Variants in TIAM2 observed in about 807,000 individuals in gnomAD.
The protein encoded by TIAM2 is TIAM Rac1 associated GEF 2.
Under a neutral mutation model 152.9 loss-of-function variants are expected in TIAM2, and 80 were observed. The observed-to-expected ratio is 0.52, with a 90% CI of 0.44 to 0.63. The LOEUF is 0.63. TIAM2 is among the 30% of genes least tolerant of loss of function. The pLI, the probability that TIAM2 is intolerant of heterozygous loss-of-function variation, is 0.00. For missense variants in TIAM2, 1,965 were observed against 2,120.1 expected (o/e 0.93, Z 1.44); for synonymous variants, 804 against 838.0 (o/e 0.96, Z 0.70).
chr6:155,158,671 CT>C (rs1312866611), intron 7 of TIAM2, among the ~76,000 whole-genome samples: 1 of 152,014 alleles, frequency 6.6e-6, no homozygotes, highest in Non-Finnish European at 1.5e-5. Flanking sequence ...CCTCCCACCT[CT>C]GCCTCCCACA....
chr6:155,060,190 G>A (rs564536405), intron 1 of TIAM2, among the ~76,000 whole-genome samples: 2 of 152,234 alleles, frequency 1.3e-5, no homozygotes, highest in East Asian at 1.9e-4. Flanking sequence ...AATCACCTGA[G>A]GTTGGGAGTT....
intron 1 of TIAM2, among the ~76,000 whole-genome samples, chr6:155,063,449 A>G (rs1435159185): frequency 1.3e-5 from 2 of 151,660 alleles, no homozygotes; most frequent in Non-Finnish European, 2.9e-5. Flanking sequence ...TTCCTGCAGT[A>G]TAGCTTTATC....
chr6:155,165,949 T>C (rs2115102793), intron 9 of TIAM2, among the ~76,000 whole-genome samples: 1 of 152,200 alleles, frequency 6.6e-6, no homozygotes, highest in Non-Finnish European at 1.5e-5. Flanking sequence ...AAAATAAGAA[T>C]AATCAGAAAA....
intron 12 of TIAM2, among the ~76,000 whole-genome samples, chr6:155,181,151 C>G (rs1187086952): frequency 6.6e-6 from 1 of 152,152 alleles, no homozygotes; most frequent in African/African-American, 2.4e-5. Flanking sequence ...ACAGGACATT[C>G]TTGCTGTCCT....
intron 15 of TIAM2, among the ~76,000 whole-genome samples, chr6:155,221,147 A>G (rs1194460202): frequency 1.3e-5 from 2 of 151,270 alleles, no homozygotes; most frequent in South Asian, 4.2e-4. Context: ...AAACAAAAAA[A>G]AACACAAGTT....
intron 1 of TIAM2, among the ~76,000 whole-genome samples, chr6:155,036,643 GT>G (rs1776929070): frequency 6.7e-6 from 1 of 148,508 alleles, no homozygotes; most frequent in African/African-American, 2.5e-5. Context: ...TTGAGATGGA[GT>G]TTTACTCTTG....
At chr6:155,224,577 AAGG>A (rs772719015) in intron 15 of TIAM2, among the ~76,000 whole-genome samples, 10 of 152,178 alleles carry the variant, frequency 6.6e-5, no homozygotes, top group Non-Finnish European at 1.3e-4. Context: ...GTATGGAAGG[AAGG>A]AGGAGAATGG....
intron 1 of TIAM2, among the ~76,000 whole-genome samples, chr6:155,032,697 C>G (rs904925550): frequency 1.3e-5 from 2 of 152,110 alleles, no homozygotes; most frequent in African/African-American, 4.8e-5. Flanking sequence ...CCTGCCACCA[C>G]GCCCAGCTAA....
intron 12 of TIAM2, 88 bp downstream of exon 12, chr6:155,179,544 C>A: frequency 8.4e-7 from 1 of 1,189,792 alleles, no homozygotes; most frequent in Non-Finnish European, 1.2e-6. Flanking sequence ...ATTTTTTCCC[C>A]TTACATTCAC....
At chr6:155,180,768 C>T (rs921139027) in intron 12 of TIAM2, among the ~76,000 whole-genome samples, 1 of 151,982 alleles carries the variant, frequency 6.6e-6, no homozygotes, top group African/African-American at 2.4e-5. Context: ...GCCACCACAC[C>T]TGGCTAATTT....
chr6:155,192,796 T>G (rs1388338705), intron 14 of TIAM2, among the ~76,000 whole-genome samples: 1 of 152,220 alleles, frequency 6.6e-6, no homozygotes, highest in Non-Finnish European at 1.5e-5. Context: ...AGAAAATTCA[T>G]TCTTATACAG....
At chr6:155,116,447 A>C (rs1169756840) in intron 2 of TIAM2, among the ~76,000 whole-genome samples, 1 of 152,226 alleles carries the variant, frequency 6.6e-6, no homozygotes, top group Non-Finnish European at 1.5e-5. Flanking sequence ...ACATTTTATG[A>C]AGGTGGGGAA....
intron 2 of TIAM2, among the ~76,000 whole-genome samples, chr6:155,103,349 G>A (rs1778589701): frequency 2.0e-5 from 3 of 152,188 alleles, no homozygotes; most frequent in Admixed American, 2.0e-4. Flanking sequence ...GATAATTCAT[G>A]TGTACAGGAG....
At chr6:155,248,202 G>T (rs576073973) in intron 20 of TIAM2, 23 bp downstream of exon 20, 4 of 1,607,692 alleles carry the variant, frequency 2.5e-6, no homozygotes, top group Non-Finnish European at 3.4e-6. Context: ...CGGCACCTCC[G>T]GGCGAGGGCC....
chr6:155,179,521 A>G (rs974779147), intron 12 of TIAM2, 65 bp downstream of exon 12: 10 of 1,453,488 alleles, frequency 6.9e-6, no homozygotes, highest in Non-Finnish European at 9.3e-6. Flanking sequence ...TTGCCCCAGC[A>G]TCTTTGGACT....
intron 1 of TIAM2, among the ~76,000 whole-genome samples, chr6:155,016,523 CATTTAAATGGTAAATTTAA>C (rs1198494248): frequency 1.3e-5 from 1 of 78,688 alleles, no homozygotes; most frequent in Admixed American, 1.4e-4. Context: ...ATGGTATTTA[CATTTAAATGGTAAATTTAA>C]ATTTAAATGG....
rs917602458 is a variant in TIAM2 at position 155,210,463 on chromosome 6, C to T, written c.3065-741C>T. Among the ~76,000 whole-genome samples, 7 of 151,706 alleles carry T rather than the reference C, an allele frequency of 4.6e-5. No individual in the cohort carries two copies. The South Asian group carries it at 1.3e-3, about 27-fold the overall frequency. ...CCGTCCAAGTAGCTGGGATTATAGC[C>T]GCATACCACCATGCCTGATTGTGTG... On this transcript the variant is annotated intron_variant, in intron 14 of 26. Transcript: ENST00000682666.
rs971038492 is a variant in TIAM2 at position 155,096,659 on chromosome 6, C to T, written c.-118+6280C>T. Among the ~76,000 whole-genome samples the T allele has an allele frequency of 5.3e-5, 8 of 152,228 alleles. No individual in the cohort carries two copies. In the South Asian group the frequency reaches 1.0e-3, roughly 20 times the overall value. On this transcript the variant is annotated intron_variant, in intron 2 of 26. Transcript: ENST00000682666. The stretch of plus-strand genomic sequence containing the variant: ...TTTCACTTGATGACCTCCAGTTTCA[C>T]CCACATTGCTGCAAATGACAGGATT...
Position 155,046,331 on chromosome 6 carries a change from C to CTTTTT in TIAM2, c.-208-43939_-208-43935dup, listed in dbSNP as rs1164422319. On this transcript the variant is annotated intron_variant, in intron 1 of 26. Coordinates refer to ENST00000682666, the MANE Select transcript of TIAM2 (RefSeq NM_012454.4). ...AGAGGAAGGGCACTCTTGGCTCTGT[C>CTTTTT]TTTTTTTTTTTTTTTTTTTTTTTGA... Among the ~76,000 whole-genome samples, 56 of 80,806 alleles carry CTTTTT rather than the reference C, an allele frequency of 6.9e-4. 2 individuals carry two copies. The highest frequency in any genetic ancestry group is 2.4e-3 in the East Asian group (6 of 2,532). The allele number at this position is 80,806 out of a possible 152,430, so 53.0% of individuals were successfully genotyped here.
Sources: gnomAD v4.1 joint callset for allele counts (sites outside exome capture counted in the v4.1 genomes callset) on GRCh38, gnomAD v4.1.1 for gene constraint, MANE v1.5 for transcripts, NCBI Gene and HGNC (gene_info 2026-07-23, HGNC 2026-07-21) for gene names.